TUT7: variants seen among roughly 807,000 people sequenced by gnomAD.
TUT7 encodes terminal uridylyltransferase 7.
Under a neutral mutation model 165.9 loss-of-function variants are expected in TUT7, and 33 were observed. The ratio of observed to expected loss-of-function variants is 0.20; its 90% CI spans 0.15 to 0.27. The LOEUF (loss-of-function observed/expected upper bound fraction) is 0.27. Among genes scored for constraint, TUT7 ranks in the 10% least tolerant of loss-of-function variants. The probability of loss-of-function intolerance (pLI) is 1.00; values close to 1 mark genes in which losing one functional copy is unlikely to be tolerated. For synonymous variants in TUT7, 552 were observed against 608.1 expected (o/e 0.91, Z 1.36); for missense variants, 1,338 against 1,762.3 (o/e 0.76, Z 4.31).
chr9:86,317,462 C>T (rs1267967723), intron 16 of TUT7, among the ~76,000 whole-genome samples, 186 bp from the exon 17 acceptor site: 8 of 152,156 alleles, frequency 5.3e-5, no homozygotes, highest in Admixed American at 5.2e-4. Flanking sequence ...ACAAAAACCA[C>T]TAAATACCCT....
chr9:86,308,602 G>T lies in TUT7; in HGVS notation c.3665C>A (p.Thr1222Asn). 6.2e-7 allele frequency: 1 copy of T among 1,610,398 alleles called. No homozygotes were observed. The highest frequency in any genetic ancestry group is 8.5e-7 in the Non-Finnish European group (1 of 1,178,440). The change falls in exon 22 of 27, where the codon ACC becomes AAC. Residue 1222 changes from threonine (T) to asparagine (N), a missense_variant. By Grantham distance (65) the Thr-to-Asn change is moderately conservative. Coordinates refer to ENST00000375963, the MANE Select transcript of TUT7 (RefSeq NM_024617.4). ...YFFDQIDELP[T>N]YWSECGKNTE... ...ATTTTTTCCACATTCTGACCAATAG[G>T]TAGGCTAGAAATAGAAGGGAACAAG...
At position 86,309,084 on chromosome 9, in the gene TUT7, C is replaced by T. The variant is rs888261701; in HGVS notation, c.3660+128G>A. The T allele has an allele frequency of 5.3e-5, 32 of 605,038 alleles. No homozygotes were observed. In the South Asian group the frequency reaches 6.0e-4, roughly 11 times the overall value. The allele number at this position is 605,038 out of a possible 1,614,324, so 37.5% of individuals were successfully genotyped here. ...ACATCAAAGAAAGCATCTGAAAACA[C>T]TATTTTTTTTACTATCATAAGATAT... On this transcript the variant is annotated intron_variant, in intron 21 of 26. Transcript: ENST00000375963.
intron 26 of TUT7, chr9:86,298,793 G>A (rs1826603509): frequency 1.0e-6 from 1 of 985,002 alleles, no homozygotes. Flanking sequence ...AAATATTGTT[G>A]TTTTTTGTTT....
At chr9:86,344,663 G>C (rs529118351) in intron 5 of TUT7, among the ~76,000 whole-genome samples, 18 of 151,028 alleles carry the variant, frequency 1.2e-4, no homozygotes, top group Admixed American at 4.0e-4. Context: ...TCAAAATATG[G>C]TGTCAATTTA....
intron 22 of TUT7, among the ~76,000 whole-genome samples, chr9:86,307,891 GGC>G: frequency 6.6e-6 from 1 of 152,254 alleles, no homozygotes; most frequent in South Asian, 2.1e-4. Flanking sequence ...CTACTCAGGT[GGC>G]TGAGGCAGGA....
chr9:86,328,772 G>A (rs1228923088), intron 10 of TUT7, among the ~76,000 whole-genome samples: 1 of 152,212 alleles, frequency 6.6e-6, no homozygotes, highest in Non-Finnish European at 1.5e-5. Context: ...GGGTTCTGAA[G>A]TAAAACTGCC....
intron 26 of TUT7, 55 bp from the exon 27 acceptor site, chr9:86,288,799 G>A: frequency 7.1e-7 from 1 of 1,413,932 alleles, no homozygotes; most frequent in Non-Finnish European, 9.8e-7. Flanking sequence ...CTCGCTTTAT[G>A]ACAAAAGCCA....
intron 8 of TUT7, among the ~76,000 whole-genome samples, chr9:86,339,281 C>A (rs531311939): frequency 1.3e-5 from 2 of 152,262 alleles, no homozygotes; most frequent in Non-Finnish European, 2.9e-5. Context: ...AATCCCAGCA[C>A]TTTGGGAGGC....
chr9:86,295,562 A>T (rs1262121100), intron 26 of TUT7, among the ~76,000 whole-genome samples: 1 of 152,176 alleles, frequency 6.6e-6, no homozygotes, highest in Non-Finnish European at 1.5e-5. Flanking sequence ...ACACTAGAAT[A>T]TTCAAAGAAG....
intron 11 of TUT7, 101 bp downstream of exon 11, chr9:86,328,239 C>A (rs777591496): frequency 2.4e-6 from 3 of 1,236,406 alleles, no homozygotes; most frequent in Middle Eastern, 4.2e-4. Context: ...GAAAGAGCCA[C>A]GAAATAGTAA....
At chr9:86,297,426 G>A (rs191524435) in intron 26 of TUT7, among the ~76,000 whole-genome samples, 11 of 152,260 alleles carry the variant, frequency 7.2e-5, no homozygotes, top group Admixed American at 3.9e-4. Context: ...TTACACCCAC[G>A]TAATTGTAAA....
At position 86,288,532 on chromosome 9, in the gene TUT7, C is replaced by A. The variant is rs1280295966; in HGVS notation, c.*145G>T. The A allele has an allele frequency of 1.9e-6, 1 of 539,212 alleles. No individual in the cohort carries two copies. 33.4% of individuals were successfully genotyped at this position (539,212 alleles called of 1,614,324 possible). On this transcript the variant is annotated 3_prime_UTR_variant, in exon 27 of 27. Coordinates refer to ENST00000375963, the MANE Select transcript of TUT7 (RefSeq NM_024617.4). ...AAAAATTTTTCCTCATTAACAATTT[C>A]ATTAAATTAAAAAAAAATCTGACAT... is the stretch of plus-strand genomic sequence containing the variant.
Position 86,337,705 on chromosome 9 carries a change from G to A in TUT7, c.1336-167C>T, listed in dbSNP as rs143446420. 7.9e-3 allele frequency among the ~76,000 whole-genome samples: 1,205 copies of A among 152,260 alleles called. 21 individuals are homozygous for A. The highest frequency in any genetic ancestry group is 0.028 in the African/African-American group (1,161 of 41,534). On this transcript the variant is annotated intron_variant, in intron 9 of 26. Transcript: ENST00000375963. Reference sequence around the variant, plus strand: ...TATACAACTTCCTTATACTTTTGCAGCAACCACATATTGTGGTTTTAAGTG... The same window carrying A: ...TATACAACTTCCTTATACTTTTGCAACAACCACATATTGTGGTTTTAAGTG...
intron 24 of TUT7, 48 bp from the exon 25 acceptor site, chr9:86,303,249 G>A (rs377032900): frequency 4.2e-5 from 41 of 987,388 alleles, no homozygotes; most frequent in Admixed American, 3.1e-4. Flanking sequence ...ACGTGAGATC[G>A]GAACACAAAA....
chr9:86,300,561 C>A (rs1037669890), intron 26 of TUT7, among the ~76,000 whole-genome samples: 2 of 152,194 alleles, frequency 1.3e-5, no homozygotes, highest in African/African-American at 4.8e-5. Flanking sequence ...TATACACACA[C>A]AAGGTACCCT....
intron 11 of TUT7, among the ~76,000 whole-genome samples, chr9:86,327,942 C>T (rs1036455231): frequency 1.3e-5 from 2 of 152,094 alleles, no homozygotes; most frequent in Admixed American, 1.3e-4. Context: ...GCATAAATTC[C>T]CCTGCCCACC....
At position 86,288,711 on chromosome 9, in the gene TUT7, T is replaced by A; in HGVS notation, c.4454A>T (p.Lys1485Ile). 6.2e-7 allele frequency: 1 copy of A among 1,613,936 alleles called. No individual in the cohort carries two copies. Among genetic ancestry groups the A allele is most frequent in the Non-Finnish European group, 8.5e-7 (1 of 1,179,894 alleles). Reference protein sequence around the residue: ...SLSSKYMTQGKASAKRTQQES With the variant: ...SLSSKYMTQGIASAKRTQQES The stretch of plus-strand genomic sequence containing the variant: ...CTGCTGGGTCCTCTTCGCTGAGGCT[T>A]TTCCCTGAGTCATATATTTACTGGA... Residue 1485 changes from lysine (K) to isoleucine (I), a missense_variant, in exon 27 of 27, where the codon AAA (lysine) becomes ATA (isoleucine). Transcript: ENST00000375963.
Position 86,345,732 on chromosome 9 carries a change from T to C in TUT7, c.756A>G (p.Leu252=). 1 of 1,613,818 alleles carries C rather than the reference T, an allele frequency of 6.2e-7. No homozygotes were observed. The highest frequency in any genetic ancestry group is 8.5e-7 in the Non-Finnish European group (1 of 1,179,838). ...AKYTCRLCDV[L]IESIAFAHKH... ...TATGGGCAAATGCAATGGATTCAAT[T>C]AAAACATCACAGAGTCTGCAGGTGT... Residue 252 remains leucine (L), a synonymous_variant, in exon 4 of 27, where the codon TTA becomes TTG. Transcript: ENST00000375963.
chr9:86,335,858 T>C (rs1458237101), intron 10 of TUT7, among the ~76,000 whole-genome samples: 1 of 152,210 alleles, frequency 6.6e-6, no homozygotes, highest in Admixed American at 6.5e-5. Context: ...GTTTGATCAC[T>C]GCATACCTGC....
Sources: gnomAD v4.1 joint callset for allele counts (sites outside exome capture counted in the v4.1 genomes callset) on GRCh38, gnomAD v4.1.1 for gene constraint, MANE v1.5 for transcripts, NCBI Gene and HGNC (gene_info 2026-07-23, HGNC 2026-07-21) for gene names.